AUTS2: variants seen among roughly 807,000 people sequenced by gnomAD.
The protein encoded by AUTS2 is activator of transcription and developmental regulator AUTS2, also known as autism susceptibility gene 2 protein.
AUTS2 carries 17 observed loss-of-function variants against 112.4 expected under a neutral mutation model. The observed-to-expected ratio is 0.15, with a 90% confidence interval of 0.10 to 0.23. The LOEUF (loss-of-function observed/expected upper bound fraction) is 0.23, where lower values mean the gene tolerates loss of function less well. AUTS2 is among the 10% of genes least tolerant of loss of function. The probability of loss-of-function intolerance (pLI) is 1.00; values close to 1 mark genes in which losing one functional copy is unlikely to be tolerated. For synonymous variants in AUTS2, 751 were observed against 702.7 expected, an observed-to-expected ratio of 1.07 and a Z score of -1.09; for missense variants, 1,510 against 1,701.6, an observed-to-expected ratio of 0.89 and a Z score of 1.98.
chr7:70,679,142 T>G (rs1331827909), intron 5 of AUTS2, among the ~76,000 whole-genome samples: 1 of 152,236 alleles, frequency 6.6e-6, no homozygotes, highest in Non-Finnish European at 1.5e-5. Context: ...AAAGAGTTTT[T>G]GGGTGTTATT....
At chr7:70,638,429 G>A (rs570350800) in intron 5 of AUTS2, among the ~76,000 whole-genome samples, 1 of 152,298 alleles carries the variant, frequency 6.6e-6, no homozygotes, top group South Asian at 2.1e-4. Flanking sequence ...GCACACCGTG[G>A]CAGAATGATT....
At chr7:70,216,942 C>T (rs146142424) in intron 4 of AUTS2, among the ~76,000 whole-genome samples, 324 of 152,222 alleles carry the variant, frequency 2.1e-3, no homozygotes, top group African/African-American at 7.4e-3. Flanking sequence ...CAGAATCTTG[C>T]GCTGTCACCC....
At chr7:70,699,619 A>G (rs1201758223) in intron 6 of AUTS2, 1 of 152,236 alleles carries the variant, frequency 6.6e-6, no homozygotes, top group East Asian at 1.9e-4. Flanking sequence ...CATTATGTTT[A>G]GAGTTCCCTT....
intron 15 of AUTS2, 168 bp from the exon 16 acceptor site, chr7:70,784,757 AAAAAAAAAAAAAAAAAC>A (rs976162110): frequency 4.6e-6 from 2 of 433,388 alleles, no homozygotes; most frequent in Non-Finnish European, 4.1e-6. Context: ...AAAAAAAAAA[AAAAAAAAAAAAAAAAAC>A]ACACATTTTC....
chr7:70,491,484 TTATATATACACATAATATATATGTTA>T (rs1232192099), intron 5 of AUTS2, among the ~76,000 whole-genome samples: 7 of 146,034 alleles, frequency 4.8e-5, no homozygotes, highest in Non-Finnish European at 1.1e-4. Flanking sequence ...AATATATATG[TTATATATACACATAATATATATGTTA>T]TATATATACA....
At chr7:70,368,556 A>G (rs1276196141) in intron 4 of AUTS2, among the ~76,000 whole-genome samples, 2 of 152,202 alleles carry the variant, frequency 1.3e-5, no homozygotes, top group African/African-American at 2.4e-5. Context: ...GAGGTTCTCT[A>G]TTCATACTGT....
At chr7:69,618,480 A>G (rs1255305041) in intron 1 of AUTS2, among the ~76,000 whole-genome samples, 1 of 152,006 alleles carries the variant, frequency 6.6e-6, no homozygotes, top group Admixed American at 6.5e-5. Context: ...GTTACGGAAT[A>G]CAGGCCAGTG....
At chr7:70,718,017 A>G (rs1810473912) in intron 6 of AUTS2, among the ~76,000 whole-genome samples, 1 of 152,066 alleles carries the variant, frequency 6.6e-6, no homozygotes, top group Non-Finnish European at 1.5e-5. Context: ...GTACATTGCA[A>G]CCTTAGCTTA....
At chr7:69,691,745 G>A (rs2129179635) in intron 1 of AUTS2, among the ~76,000 whole-genome samples, 1 of 152,182 alleles carries the variant, frequency 6.6e-6, no homozygotes, top group Non-Finnish European at 1.5e-5. Flanking sequence ...CTCGGTATGG[G>A]GTGGGGCTCC....
intron 1 of AUTS2, among the ~76,000 whole-genome samples, chr7:69,627,444 T>C (rs916600906): frequency 4.0e-5 from 6 of 151,738 alleles, no homozygotes; most frequent in African/African-American, 1.5e-4. Flanking sequence ...TGAACTGAGA[T>C]CACGCCATTG....
At chr7:70,725,218 C>T (rs1269361612) in intron 6 of AUTS2, among the ~76,000 whole-genome samples, 3 of 152,266 alleles carry the variant, frequency 2.0e-5, no homozygotes, top group South Asian at 4.1e-4. Flanking sequence ...GTGGTTTACC[C>T]TTTTCCTCTC....
rs1242362552 is a variant in AUTS2, at chr7:70,525,817, A to C, written c.690+90036A>C. ...TGAGAGAGGTGGCCTGGAGGAGGGC[A>C]CTCGAGTGAGGAGATGGGCACCTCC... On this transcript the variant is annotated intron_variant, in intron 5 of 18. Transcript: ENST00000342771. Among the ~76,000 whole-genome samples the C allele has an allele frequency of 2.0e-5, 3 of 152,188 alleles. No individual in the cohort carries two copies. The East Asian group carries it at 5.8e-4, about 29-fold the overall frequency.
intron 2 of AUTS2, among the ~76,000 whole-genome samples, chr7:69,946,723 A>G (rs949257007): frequency 1.3e-5 from 2 of 152,118 alleles, no homozygotes; most frequent in Non-Finnish European, 2.9e-5. Flanking sequence ...CATTTTATGA[A>G]TATATCACAT....
At chr7:69,634,045 T>C (rs920508674) in intron 1 of AUTS2, among the ~76,000 whole-genome samples, 2 of 152,214 alleles carry the variant, frequency 1.3e-5, no homozygotes, top group Non-Finnish European at 2.9e-5. Flanking sequence ...TTTTCCCCTG[T>C]ATTCTCTTCT....
At chr7:69,843,825 A>G (rs1792082164) in intron 1 of AUTS2, among the ~76,000 whole-genome samples, 1 of 152,196 alleles carries the variant, frequency 6.6e-6, no homozygotes, top group South Asian at 2.1e-4. Context: ...ACTGAGATTC[A>G]GAGAGATGAA....
intron 5 of AUTS2, among the ~76,000 whole-genome samples, chr7:70,491,588 A>ATT (rs1226724051): frequency 1.2e-4 from 13 of 106,776 alleles, no homozygotes; most frequent in African/African-American, 5.0e-4. Flanking sequence ...ATGTATATAT[A>ATT]TTGTGTGTGT....
At chr7:70,447,425 T>C (rs1471178113) in intron 5 of AUTS2, among the ~76,000 whole-genome samples, 1 of 152,232 alleles carries the variant, frequency 6.6e-6, no homozygotes, top group Admixed American at 6.5e-5. Context: ...AAGAAGTAAC[T>C]ATTGTTTAAA....
At chr7:69,820,950 G>A (rs932737394) in intron 1 of AUTS2, among the ~76,000 whole-genome samples, 3 of 152,142 alleles carry the variant, frequency 2.0e-5, no homozygotes, top group African/African-American at 7.2e-5. Flanking sequence ...ATTACCTCTG[G>A]CAATGGTGCA....
intron 2 of AUTS2, among the ~76,000 whole-genome samples, chr7:70,028,323 A>G (rs901188148): frequency 6.6e-6 from 1 of 152,186 alleles, no homozygotes; most frequent in South Asian, 2.1e-4. Context: ...GCAGTTTCAT[A>G]ATGCAGATTT....
Sources: gnomAD v4.1 joint callset for allele counts (sites outside exome capture counted in the v4.1 genomes callset) on GRCh38, gnomAD v4.1.1 for gene constraint, MANE v1.5 for transcripts, NCBI Gene and HGNC (gene_info 2026-07-23, HGNC 2026-07-21) for gene names.